The following TAS2R1 variants were observed in gnomAD, a reference collection of about 807,000 sequenced individuals.
TAS2R1 encodes the protein taste receptor type 2 member 1.
For missense variants in TAS2R1, 370 were observed against 353.4 expected (o/e 1.05, Z -0.38); for synonymous variants, 141 against 134.2 (o/e 1.05, Z -0.35).
chr5:9,704,772 G>T (rs963718040), intron 1 of TAS2R1, among the ~76,000 whole-genome samples: 1 of 152,146 alleles, frequency 6.6e-6, no homozygotes, highest in African/African-American at 2.4e-5. Context: ...AACACTCAAG[G>T]ATGATAAGAG....
At chr5:9,785,616 C>A in the TAS2R1 span, among the ~76,000 whole-genome samples, 1 of 152,186 alleles carries the variant, frequency 6.6e-6, no homozygotes, top group Non-Finnish European at 1.5e-5. Flanking sequence ...GCCATTTATA[C>A]AATTTTATTC....
chr5:9,629,577 G>T lies in TAS2R1; in HGVS notation c.456C>A (p.Val152=). 1 of 1,614,080 alleles carries T rather than the reference G, an allele frequency of 6.2e-7. No individual in the cohort carries two copies. The highest frequency in any genetic ancestry group is 1.1e-5 in the South Asian group (1 of 91,056). ...VFHSKYAGFM[V]PYFLRKFFSQ... ...AGAAAAATTTCCTTAGGAAGTATGG[G>T]ACCATAAACCCTGCATATTTGCTAT... The change falls in exon 1 of 1, where the codon GTC becomes GTA. Residue 152 remains valine, a synonymous_variant. Coordinates refer to ENST00000382492, the MANE Select transcript of TAS2R1 (RefSeq NM_019599.3).
chr5:9,865,229 G>T, the TAS2R1 span, among the ~76,000 whole-genome samples: 1 of 152,102 alleles, frequency 6.6e-6, no homozygotes, highest in Non-Finnish European at 1.5e-5. Flanking sequence ...ATGAATGAAG[G>T]AATGGAGAGA....
At chr5:9,744,955 C>T in the TAS2R1 span, among the ~76,000 whole-genome samples, 5 of 152,214 alleles carry the variant, frequency 3.3e-5, no homozygotes, top group South Asian at 2.1e-4. Flanking sequence ...GTTTGAAAAA[C>T]GAAGATGGAC....
chr5:9,741,006 A>G, the TAS2R1 span, among the ~76,000 whole-genome samples: 5 of 152,174 alleles, frequency 3.3e-5, no homozygotes, highest in Non-Finnish European at 5.9e-5. Flanking sequence ...ACTTATTATA[A>G]ACAGAGCTTA....
chr5:9,648,042 T>C (rs1561368696), intron 2 of TAS2R1, among the ~76,000 whole-genome samples: 1 of 152,166 alleles, frequency 6.6e-6, no homozygotes, highest in African/African-American at 2.4e-5. Flanking sequence ...TAAAACAGGA[T>C]GAGATCAAAT....
At chr5:9,781,526 C>T in the TAS2R1 span, among the ~76,000 whole-genome samples, 1 of 152,224 alleles carries the variant, frequency 6.6e-6, no homozygotes, top group Non-Finnish European at 1.5e-5. Flanking sequence ...GACCACACCA[C>T]TTCTCCACTG....
the TAS2R1 span, among the ~76,000 whole-genome samples, chr5:9,854,752 G>A: frequency 1.4e-4 from 22 of 152,192 alleles, no homozygotes; most frequent in African/African-American, 3.9e-4. Flanking sequence ...TAAATAAATC[G>A]TGATACAACC....
rs145628011 is a variant in TAS2R1 at position 9,693,477 on chromosome 5, C to T, written c.-242+18695G>A. On this transcript the variant is annotated intron_variant, in intron 1 of 2. Coordinates refer to the TAS2R1 transcript ENST00000506620. ...AGGAGGTGGTTGCAGTGAGCCAAGA[C>T]CACACCATTACACTCCAGCCTGGGC... 1.1e-3 allele frequency among the ~76,000 whole-genome samples: 156 copies of T among 141,722 alleles called. 3 individuals are homozygous for T. The highest frequency in any genetic ancestry group is 6.5e-3 in the Admixed American group (85 of 13,158). The allele number at this position is 141,722 out of a possible 152,430, so 93.0% of individuals were successfully genotyped here.
At chr5:9,899,601 C>A in the TAS2R1 span, among the ~76,000 whole-genome samples, 2 of 148,384 alleles carry the variant, frequency 1.3e-5, no homozygotes, top group African/African-American at 5.0e-5. Flanking sequence ...CGCGCCACTG[C>A]ACTCCAGCCT....
At chr5:9,788,977 T>C in the TAS2R1 span, among the ~76,000 whole-genome samples, 1 of 152,218 alleles carries the variant, frequency 6.6e-6, no homozygotes, top group East Asian at 1.9e-4. Flanking sequence ...CACATGCCTA[T>C]GAGCCATGAG....
the TAS2R1 span, among the ~76,000 whole-genome samples, chr5:9,847,839 G>A: frequency 6.6e-6 from 1 of 152,214 alleles, no homozygotes; most frequent in Non-Finnish European, 1.5e-5. Flanking sequence ...ACCAGTAGTG[G>A]AGGTCATCTG....
chr5:9,723,945 T>G, the TAS2R1 span, among the ~76,000 whole-genome samples: 1 of 152,342 alleles, frequency 6.6e-6, no homozygotes, highest in African/African-American at 2.4e-5. Context: ...ATTGTTCCTT[T>G]GGGATGACCC....
chr5:9,857,216 G>A, the TAS2R1 span, among the ~76,000 whole-genome samples: 17 of 152,234 alleles, frequency 1.1e-4, no homozygotes, highest in Admixed American at 5.9e-4. Flanking sequence ...GAAGAAGTAC[G>A]TTTTAGTATT....
At chr5:9,732,875 C>T in the TAS2R1 span, among the ~76,000 whole-genome samples, 1 of 152,176 alleles carries the variant, frequency 6.6e-6, no homozygotes, top group Non-Finnish European at 1.5e-5. Flanking sequence ...GCTGGAAACT[C>T]AGACAGGAGC....
the TAS2R1 span, among the ~76,000 whole-genome samples, chr5:9,874,592 C>T: frequency 6.6e-6 from 1 of 152,172 alleles, no homozygotes; most frequent in East Asian, 1.9e-4. Flanking sequence ...CAAGACATTG[C>T]TGCCACAGGG....
chr5:9,864,325 T>C, the TAS2R1 span, among the ~76,000 whole-genome samples: 1 of 152,240 alleles, frequency 6.6e-6, no homozygotes, highest in African/African-American at 2.4e-5. Flanking sequence ...TCCCATCTCT[T>C]CTTAGAAGGT....
At chr5:9,636,084 T>C (rs967944705) in intron 2 of TAS2R1, among the ~76,000 whole-genome samples, 5 of 152,106 alleles carry the variant, frequency 3.3e-5, no homozygotes, top group Non-Finnish European at 7.4e-5. Flanking sequence ...TACTAAGAAC[T>C]TTCTCATAAC....
At chr5:9,842,935 GA>G in the TAS2R1 span, among the ~76,000 whole-genome samples, 1 of 152,246 alleles carries the variant, frequency 6.6e-6, no homozygotes, top group Admixed American at 6.5e-5. Context: ...GCTTGAGGAA[GA>G]AAACCATGAA....
Sources: gnomAD v4.1 joint callset for allele counts (sites outside exome capture counted in the v4.1 genomes callset) on GRCh38, gnomAD v4.1.1 for gene constraint, MANE v1.5 for transcripts, NCBI Gene and HGNC (gene_info 2026-07-23, HGNC 2026-07-21) for gene names.